SEMA3A: variants seen among roughly 807,000 people sequenced by gnomAD.
The protein encoded by SEMA3A is semaphorin-3A.
SEMA3A carries 29 observed loss-of-function variants against 97.9 expected under a neutral mutation model. The ratio of observed to expected loss-of-function variants is 0.30; its 90% confidence interval spans 0.22 to 0.40. The LOEUF is 0.40. SEMA3A is among the 10% of genes least tolerant of loss of function. SEMA3A has a pLI of 1.00. For missense variants in SEMA3A, 763 were observed against 951.3 expected, an observed-to-expected ratio of 0.80 and a Z score of 2.60; for synonymous variants, 321 against 323.7, an observed-to-expected ratio of 0.99 and a Z score of 0.09.
intron 1 of SEMA3A, among the ~76,000 whole-genome samples, chr7:84,429,516 TTA>T (rs10523978): frequency 0.073 from 5,268 of 72,256 alleles, 307 homozygotes; most frequent in Middle Eastern, 0.1. Flanking sequence ...ATAGAGTTTG[TTA>T]TATATATATA....
chr7:83,964,637 G>C (rs1788599872), intron 15 of SEMA3A, among the ~76,000 whole-genome samples: 1 of 152,182 alleles, frequency 6.6e-6, no homozygotes, highest in African/African-American at 2.4e-5. Flanking sequence ...GTCAACCTCA[G>C]TGCCTGTTTC....
At chr7:84,058,434 G>A (rs1793082032) in intron 5 of SEMA3A, among the ~76,000 whole-genome samples, 1 of 152,124 alleles carries the variant, frequency 6.6e-6, no homozygotes, top group Admixed American at 6.5e-5. Context: ...GAGAGAAAAT[G>A]CCAACGAAAA....
At chr7:84,101,750 A>G (rs1794965390) in intron 4 of SEMA3A, among the ~76,000 whole-genome samples, 1 of 152,166 alleles carries the variant, frequency 6.6e-6, no homozygotes, top group Non-Finnish European at 1.5e-5. Context: ...GTCATTCTGC[A>G]TTCTATCTTT....
At chr7:84,394,737 T>C (rs1803679872) in intron 1 of SEMA3A, among the ~76,000 whole-genome samples, 1 of 152,160 alleles carries the variant, frequency 6.6e-6, no homozygotes, top group African/African-American at 2.4e-5. Flanking sequence ...ATGATACGAA[T>C]AGAATTTTCA....
chr7:84,080,003 C>T (rs1794094960), intron 4 of SEMA3A, among the ~76,000 whole-genome samples: 1 of 145,208 alleles, frequency 6.9e-6, no homozygotes, highest in Non-Finnish European at 1.5e-5. Flanking sequence ...CACATATACA[C>T]CATGGAATAC....
rs368421141 is a variant in SEMA3A at position 84,299,338 on chromosome 7, ATC to A, written c.-83+7867_-83+7868del. On this transcript the variant is annotated intron_variant, in intron 3 of 3. Coordinates refer to the SEMA3A transcript ENST00000424555. ...TATATATATATCTCCATATATATGT[ATC>A]TCTCTCTCTCTCTCTCTCTCTCTCC... Among the ~76,000 whole-genome samples the A allele has an allele frequency of 7.7e-3, 862 of 112,412 alleles. 6 individuals are homozygous for A. Among genetic ancestry groups the A allele is most frequent in the Non-Finnish European group, 8.8e-3 (493 of 55,994 alleles). The allele number at this position is 112,412 out of a possible 152,430, so 73.7% of individuals were successfully genotyped here.
chr7:83,986,159 T>C (rs1235547956), intron 12 of SEMA3A, among the ~76,000 whole-genome samples: 1 of 152,168 alleles, frequency 6.6e-6, no homozygotes, highest in Non-Finnish European at 1.5e-5. Context: ...CTGCCTTAGC[T>C]GAGAGTGCCA....
upstream of SEMA3A, among the ~76,000 whole-genome samples, chr7:84,197,777 TC>T (rs1798267790): frequency 8.0e-6 from 1 of 125,690 alleles, no homozygotes. Context: ...TCTCGCTCCG[TC>T]CCCCAGGCTG....
intron 1 of SEMA3A, among the ~76,000 whole-genome samples, chr7:84,147,305 C>T (rs1340802202): frequency 6.6e-6 from 1 of 152,108 alleles, no homozygotes; most frequent in African/African-American, 2.4e-5. Flanking sequence ...AAAATGAGTG[C>T]TTTTGGAGAA....
Position 84,053,839 on chromosome 7 carries a change from A to G in SEMA3A, c.547+6626T>C, listed in dbSNP as rs202047392. Among the ~76,000 whole-genome samples, 32 of 74,530 alleles carry G rather than the reference A, an allele frequency of 4.3e-4. No individual in the cohort carries two copies. In the East Asian group the frequency reaches 0.018, roughly 42 times the overall value. The allele number at this position is 74,530 out of a possible 152,430, so 48.9% of individuals were successfully genotyped here. Reference sequence around the variant, plus strand: ...TCTTTACATTTTGGCATGATTTTGCAGTGGCTGGTACCGGTTGTTCCTTTC... The same window carrying G: ...TCTTTACATTTTGGCATGATTTTGCGGTGGCTGGTACCGGTTGTTCCTTTC... On this transcript the variant is annotated intron_variant, in intron 5 of 16. Transcript: ENST00000265362.
At chr7:84,075,749 G>A (rs1042679801) in intron 4 of SEMA3A, among the ~76,000 whole-genome samples, 20 of 152,102 alleles carry the variant, frequency 1.3e-4, no homozygotes. Context: ...GAGCCACTGT[G>A]CCTGGCCATT....
intron 2 of SEMA3A, among the ~76,000 whole-genome samples, chr7:84,349,663 A>C (rs981012218): frequency 1.3e-5 from 2 of 152,194 alleles, no homozygotes; most frequent in Admixed American, 1.3e-4. Flanking sequence ...CCCTACTGCA[A>C]CTGGCTTCAC....
chr7:84,127,032 C>G (rs1161882178), intron 3 of SEMA3A, among the ~76,000 whole-genome samples: 1 of 149,902 alleles, frequency 6.7e-6, no homozygotes, highest in Non-Finnish European at 1.5e-5. Flanking sequence ...TTTTTTTGAT[C>G]CACTGTTACA....
At chr7:84,079,200 T>C (rs1250865966) in intron 4 of SEMA3A, among the ~76,000 whole-genome samples, 1 of 152,118 alleles carries the variant, frequency 6.6e-6, no homozygotes, top group Non-Finnish European at 1.5e-5. Context: ...GCAAAATTAA[T>C]TCAAGATGGA....
chr7:84,411,611 T>G (rs1584303624), intron 1 of SEMA3A, among the ~76,000 whole-genome samples: 1 of 151,468 alleles, frequency 6.6e-6, no homozygotes, highest in Admixed American at 6.6e-5. Flanking sequence ...GAAAAATAAC[T>G]GAAAAAATGC....
intron 1 of SEMA3A, among the ~76,000 whole-genome samples, chr7:84,389,447 C>G (rs1163149291): frequency 6.6e-6 from 1 of 151,996 alleles, no homozygotes; most frequent in Non-Finnish European, 1.5e-5. Flanking sequence ...TTCATTTCCC[C>G]TTTTTGATTT....
At chr7:84,448,126 G>T (rs1420607204) in intron 1 of SEMA3A, among the ~76,000 whole-genome samples, 1 of 152,150 alleles carries the variant, frequency 6.6e-6, no homozygotes, top group Non-Finnish European at 1.5e-5. Flanking sequence ...GTGGGTTCTG[G>T]GCCAGTACTG....
At position 84,201,997 on chromosome 7, in the gene SEMA3A, T is replaced by G. The variant is rs565586122; in HGVS notation, c.-82-7329A>C. ...AATGCAATTGTGTTCTCACATACACTTTGCCATCTCAACTAAAGCTTTATC... is the reference window on the plus strand; with the variant it reads ...AATGCAATTGTGTTCTCACATACACGTTGCCATCTCAACTAAAGCTTTATC... On this transcript the variant is annotated intron_variant, in intron 3 of 3. Transcript: ENST00000424555. Among the ~76,000 whole-genome samples, 11 of 152,288 alleles carry G rather than the reference T, an allele frequency of 7.2e-5. No homozygotes were observed. In the East Asian group the frequency reaches 2.1e-3, roughly 29 times the overall value.
chr7:84,005,659 T>C lies in SEMA3A; in HGVS notation c.1141-101A>G. 3.7e-6 allele frequency: 3 copies of C among 807,930 alleles called. No individual in the cohort carries two copies. The South Asian group carries it at 5.6e-5, about 15-fold the overall frequency. 50.0% of individuals were successfully genotyped at this position (807,930 alleles called of 1,614,324 possible). On this transcript the variant is annotated intron_variant, in intron 10 of 16. Transcript: ENST00000265362. The stretch of plus-strand genomic sequence containing the variant: ...GCCTCAATGGTTCTACTTAAAATAG[T>C]AGTGCAGGCCAGGTATGGTAGCTCA...
Sources: allele counts gnomAD v4.1 joint callset (sites outside exome capture counted in the v4.1 genomes callset), GRCh38; gene constraint gnomAD v4.1.1; transcripts MANE v1.5; gene names NCBI Gene and HGNC (gene_info 2026-07-23, HGNC 2026-07-21).